Variants in ALG12 observed in about 807,000 individuals in gnomAD.
ALG12 encodes ALG12 alpha-1,6-mannosyltransferase.
Under a neutral mutation model 46.0 loss-of-function variants are expected in ALG12, and 36 were observed. That is an observed-to-expected ratio of 0.78 (90% CI 0.60 to 1.03). ALG12 has a LOEUF of 1.03. ALG12 is among the 50% of genes least tolerant of loss of function. The pLI is 0.00. For missense variants in ALG12, 599 were observed against 633.5 expected, an observed-to-expected ratio of 0.95 and a Z score of 0.58; for synonymous variants, 326 against 291.6, an observed-to-expected ratio of 1.12 and a Z score of -1.20.
At chr22:49,886,997 C>T in the ALG12 span, 3 of 1,614,046 alleles carry the variant, frequency 1.9e-6, no homozygotes, top group Non-Finnish European at 2.5e-6. This position sits in a 1 kb window ranked among gnomAD's most constrained non-coding sequence, Gnocchi z 7.7. Context: ...GCGTCCTGGC[C>T]GGGGCTGTCC....
the ALG12 span, among the ~76,000 whole-genome samples, chr22:49,865,142 A>G: frequency 2.0e-5 from 3 of 152,008 alleles, no homozygotes; most frequent in Non-Finnish European, 2.9e-5. Context: ...ACAAACCCAG[A>G]TGGTATAACC....
At chr22:49,883,507 T>C in the ALG12 span, 1 of 1,068,938 alleles carries the variant, frequency 9.4e-7, no homozygotes, top group Non-Finnish European at 1.3e-6. Flanking sequence ...GATTCTTTTT[T>C]TCAGTACTAT....
At chr22:49,885,218 G>A in the ALG12 span, 8 of 1,613,474 alleles carry the variant, frequency 5.0e-6, no homozygotes, top group Non-Finnish European at 5.1e-6. Context: ...CTGGGTGCAA[G>A]TCTGGCAAAC....
At chr22:49,879,364 T>C in the ALG12 span, among the ~76,000 whole-genome samples, 1 of 151,784 alleles carries the variant, frequency 6.6e-6, no homozygotes, top group South Asian at 2.1e-4. Flanking sequence ...TGAGCTCGGT[T>C]GATCCGTCTG....
the ALG12 span, among the ~76,000 whole-genome samples, chr22:49,869,508 T>C: frequency 6.6e-6 from 1 of 152,246 alleles, no homozygotes; most frequent in Non-Finnish European, 1.5e-5. Flanking sequence ...TAGTTCCTGT[T>C]TATTCCTCAG....
intron 1 of ALG12, among the ~76,000 whole-genome samples, chr22:49,915,546 G>C (rs1029273054): frequency 4.6e-5 from 7 of 152,164 alleles, no homozygotes; most frequent in African/African-American, 1.7e-4. Flanking sequence ...CACAGAGCGT[G>C]ACTCCGTCTC....
At chr22:49,910,694 TC>T in intron 3 of ALG12, 87 bp from the exon 4 acceptor site, 36 of 1,488,788 alleles carry the variant, frequency 2.4e-5, no homozygotes, top group Non-Finnish European at 3.3e-5. Flanking sequence ...CACAGATCTT[TC>T]TATATGGAGT....
At chr22:49,884,550 G>C in the ALG12 span, 3 of 1,613,526 alleles carry the variant, frequency 1.9e-6, no homozygotes, top group African/African-American at 4.0e-5. Flanking sequence ...ACTTCTACCT[G>C]TCGCCACTGG....
At chr22:49,861,071 C>T in the ALG12 span, among the ~76,000 whole-genome samples, 3 of 151,928 alleles carry the variant, frequency 2.0e-5, no homozygotes, top group East Asian at 1.9e-4. Flanking sequence ...CCACCATGCC[C>T]GGCCTAGGCA....
the ALG12 span, chr22:49,885,086 C>G: frequency 6.2e-7 from 1 of 1,613,406 alleles, no homozygotes; most frequent in African/African-American, 1.3e-5. Context: ...AGCCTCAAGG[C>G]CGAGTGTCGG....
the ALG12 span, among the ~76,000 whole-genome samples, chr22:49,876,942 C>T: frequency 1.4e-4 from 22 of 152,132 alleles, no homozygotes; most frequent in Non-Finnish European, 2.5e-4. Flanking sequence ...TTGATGAATC[C>T]GATTTTTCCA....
chr22:49,876,386 G>A, the ALG12 span, among the ~76,000 whole-genome samples: 1 of 152,140 alleles, frequency 6.6e-6, no homozygotes, highest in Non-Finnish European at 1.5e-5. Context: ...ATCTCCATCC[G>A]TGATGGTGAC....
Position 49,902,894 on chromosome 22 carries a change from T to C in ALG12, c.*944A>G, listed in dbSNP as rs1203782940. 6.4e-6 allele frequency: 1 copy of C among 156,074 alleles called. No homozygotes were observed. The highest frequency in any genetic ancestry group is 2.3e-4 in the East Asian group (1 of 4,368). 9.7% of individuals were successfully genotyped at this position (156,074 alleles called of 1,614,324 possible). On this transcript the variant is annotated 3_prime_UTR_variant, in exon 10 of 10. Coordinates refer to ENST00000330817, the MANE Select transcript of ALG12 (RefSeq NM_024105.4). The stretch of plus-strand genomic sequence containing the variant: ...TGCATGGTAATGTGCACGTGTGCAC[T>C]GTGTGTGGTGTGTATGCATGGTGTG...
the ALG12 span, among the ~76,000 whole-genome samples, chr22:49,861,132 A>G: frequency 4.6e-5 from 7 of 152,102 alleles, no homozygotes; most frequent in African/African-American, 1.7e-4. Flanking sequence ...ACACACCCAC[A>G]ACTCATTTCC....
At chr22:49,890,322 A>G in the ALG12 span, among the ~76,000 whole-genome samples, 3 of 152,338 alleles carry the variant, frequency 2.0e-5, no homozygotes, top group South Asian at 4.1e-4. Flanking sequence ...ACCACCAACA[A>G]TGACAACAAC....
chr22:49,881,926 G>A, the ALG12 span, among the ~76,000 whole-genome samples: 1 of 152,100 alleles, frequency 6.6e-6, no homozygotes, highest in Admixed American at 6.5e-5. Context: ...ATTTCTGGTG[G>A]GAGCTAGCAG....
In ALG12 at chr22:49,913,405, T is replaced by C. The variant is rs757598791; in HGVS notation, c.275A>G (p.Lys92Arg). 2 of 1,613,814 alleles carry C rather than the reference T, an allele frequency of 1.2e-6. No individual in the cohort carries two copies. Among genetic ancestry groups the C allele is most frequent in the East Asian group, 2.2e-5 (1 of 44,896 alleles). The change falls in exon 3 of 10, where the codon AAG (lysine) becomes AGG (arginine). Residue 92 changes from lysine to arginine, a missense_variant. Transcript: ENST00000330817. ...CTTACCTATTAGCTGAGAGTAAAAC[T>C]TGGACATTTCTAACAGCGAAAGCAC... ...VYVLSLLEMS[K>R]FYSQLIVRGV...
At position 49,902,405 on chromosome 22, in the gene ALG12, T is replaced by C. The variant is rs2060516143; in HGVS notation, c.*1433A>G. The C allele has an allele frequency of 1.4e-5, 1 of 69,072 alleles. No individual in the cohort carries two copies. Among genetic ancestry groups the C allele is most frequent in the Non-Finnish European group, 2.4e-5 (1 of 42,214 alleles). The allele number at this position is 69,072 out of a possible 1,614,324, so 4.3% of individuals were successfully genotyped here. On this transcript the variant is annotated 3_prime_UTR_variant, in exon 10 of 10. Transcript: ENST00000330817. ...GTGTGTGGTGTGTATGCATGGTGTG[T>C]GCACATGTGCACTGTGTATGCATGG...
At chr22:49,877,657 GATAA>G in the ALG12 span, among the ~76,000 whole-genome samples, 1 of 152,176 alleles carries the variant, frequency 6.6e-6, no homozygotes, top group Non-Finnish European at 1.5e-5. Context: ...TGCATAATCT[GATAA>G]ATATATATCC....
Sources: gnomAD v4.1 joint callset for allele counts (sites outside exome capture counted in the v4.1 genomes callset) on GRCh38, gnomAD v4.1.1 for gene constraint, Gnocchi (gnomAD v3.1) non-coding constraint, MANE v1.5 for transcripts, NCBI Gene and HGNC (gene_info 2026-07-23, HGNC 2026-07-21) for gene names.